The following TMEFF2 variants were observed in gnomAD, a reference collection of about 807,000 sequenced individuals.
The protein encoded by TMEFF2 is transmembrane protein with EGF like and two follistatin like domains 2.
A neutral mutation model predicts 53.8 loss-of-function variants in TMEFF2; 28 were observed. That is an observed-to-expected ratio of 0.52 (90% CI 0.39 to 0.71). The LOEUF is 0.71. Ranked by LOEUF, TMEFF2 falls within the 30% of genes least tolerant of loss-of-function variation. The probability of loss-of-function intolerance (pLI) is 0.00; values close to 1 mark genes in which losing one functional copy is unlikely to be tolerated. For synonymous variants in TMEFF2, 162 were observed against 166.3 expected (o/e 0.97, Z 0.20); for missense variants, 353 against 455.2 (o/e 0.78, Z 2.04).
intron 4 of TMEFF2, among the ~76,000 whole-genome samples, chr2:192,123,545 A>G (rs1044107293): frequency 1.3e-5 from 2 of 152,102 alleles, no homozygotes; most frequent in Non-Finnish European, 2.9e-5. Context: ...TATTAGGAGG[A>G]TATATAGGAG....
intron 7 of TMEFF2, among the ~76,000 whole-genome samples, chr2:191,964,360 CTTTCTTTCTTTCTCTT>C (rs763538284): frequency 1.2e-4 from 12 of 102,942 alleles, no homozygotes; most frequent in African/African-American, 4.5e-4. Flanking sequence ...TTCTTTCTTT[CTTTCTTTCTTTCTCTT>C]TCTTTCTTTC....
At chr2:192,035,729 T>C (rs1341427776) in intron 5 of TMEFF2, among the ~76,000 whole-genome samples, 1 of 152,230 alleles carries the variant, frequency 6.6e-6, no homozygotes, top group African/African-American at 2.4e-5. Flanking sequence ...CAGCTCTTTC[T>C]GTCTGCATCA....
intron 7 of TMEFF2, among the ~76,000 whole-genome samples, chr2:191,991,706 T>G (rs913305511): frequency 2.0e-5 from 3 of 152,080 alleles, no homozygotes; most frequent in African/African-American, 7.2e-5. Context: ...GGTGAACGAT[T>G]TGTATCAGAA....
intron 5 of TMEFF2, among the ~76,000 whole-genome samples, chr2:192,053,498 GAT>G (rs1687823490): frequency 6.6e-6 from 1 of 152,154 alleles, no homozygotes; most frequent in Admixed American, 6.5e-5. Flanking sequence ...CAGTATTGTG[GAT>G]ATAGTAAGAA....
At chr2:192,025,527 T>G (rs1469270420) in intron 5 of TMEFF2, among the ~76,000 whole-genome samples, 2 of 152,154 alleles carry the variant, frequency 1.3e-5, no homozygotes, top group African/African-American at 4.8e-5. Context: ...GTGTAGAAAT[T>G]GTTTTCTGTG....
Position 192,194,496 on chromosome 2 carries a change from C to T in TMEFF2, c.29G>A (p.Cys10Tyr), listed in dbSNP as rs1691556549. MVLWESPRQ[C>Y]SSWTLCEGFC... is the part of the protein sequence containing the mutation. Reference sequence around the variant, plus strand: ...GCCCTCGCAAAGTGTCCAGCTGCTGCACTGCCGCGGGGACTCCCACAGCAC... The same window carrying T: ...GCCCTCGCAAAGTGTCCAGCTGCTGTACTGCCGCGGGGACTCCCACAGCAC... The change falls in exon 1 of 10, where the codon TGC becomes TAC. Residue 10 changes from cysteine to tyrosine, a missense_variant. By Grantham distance (194) the Cys-to-Tyr change is radical (BLOSUM62 -2). Around this residue, in one of 3 missense-constraint regions of TMEFF2, gnomAD observed 54 missense variants for 41.8 expected, o/e 1.29. Coordinates refer to ENST00000272771, the MANE Select transcript of TMEFF2 (RefSeq NM_016192.4). This position sits in a 1 kb window ranked among gnomAD's most constrained non-coding sequence, Gnocchi z 4.2. The T allele has an allele frequency of 6.2e-7, 1 of 1,613,750 alleles. No homozygotes were observed. Among genetic ancestry groups the T allele is most frequent in the Non-Finnish European group, 8.5e-7 (1 of 1,180,014 alleles).
At chr2:191,980,148 A>G (rs990355596) in intron 7 of TMEFF2, among the ~76,000 whole-genome samples, 7 of 152,216 alleles carry the variant, frequency 4.6e-5, no homozygotes, top group African/African-American at 1.7e-4. Context: ...TGGAGTTTCT[A>G]TTATGAGAAA....
intron 5 of TMEFF2, among the ~76,000 whole-genome samples, chr2:192,013,486 TA>T: frequency 6.6e-6 from 1 of 151,972 alleles, no homozygotes; most frequent in East Asian, 1.9e-4. Flanking sequence ...AGTCTCGCTC[TA>T]TCCCCCAGGC....
At chr2:192,120,679 CCTTGAGCAAAATGTAGAGA>C (rs1689528828) in intron 4 of TMEFF2, among the ~76,000 whole-genome samples, 1 of 152,084 alleles carries the variant, frequency 6.6e-6, no homozygotes, top group South Asian at 2.1e-4. Context: ...TTTCTATTTG[CCTTGAGCAAAATGTAGAGA>C]TCTGTTATAG....
chr2:192,166,420 G>A (rs1011614171), intron 4 of TMEFF2, among the ~76,000 whole-genome samples: 10 of 152,214 alleles, frequency 6.6e-5, no homozygotes, highest in South Asian at 6.2e-4. Flanking sequence ...ATGGAAAATG[G>A]AATATAGACT....
At chr2:191,961,496 A>C (rs1692272034) in intron 7 of TMEFF2, among the ~76,000 whole-genome samples, 1 of 90,992 alleles carries the variant, frequency 1.1e-5, no homozygotes, top group Non-Finnish European at 2.3e-5. Flanking sequence ...ACCTTTTGTA[A>C]TTACTTAATT....
At chr2:192,057,555 C>G in intron 5 of TMEFF2, 124 bp downstream of exon 5, 1 of 868,704 alleles carries the variant, frequency 1.2e-6, no homozygotes, top group Non-Finnish European at 1.8e-6. Context: ...TTTTTTTTCA[C>G]TTGGGAACTG....
intron 4 of TMEFF2, among the ~76,000 whole-genome samples, chr2:192,110,756 T>C (rs1689254612): frequency 6.6e-6 from 1 of 152,190 alleles, no homozygotes; most frequent in Non-Finnish European, 1.5e-5. Context: ...ATAGTTGATA[T>C]GGTTTGGCTG....
intron 4 of TMEFF2, among the ~76,000 whole-genome samples, chr2:192,085,012 A>G (rs1305360605): frequency 6.6e-6 from 1 of 152,188 alleles, no homozygotes; most frequent in Non-Finnish European, 1.5e-5. Context: ...AAATTGAACC[A>G]GCCTCCAATA....
intron 4 of TMEFF2, among the ~76,000 whole-genome samples, chr2:192,145,298 C>T (rs1057278804): frequency 5.9e-5 from 9 of 151,882 alleles, no homozygotes; most frequent in African/African-American, 1.4e-4. Flanking sequence ...AATTCAGTAA[C>T]GAATGTCACG....
chr2:192,180,031 T>G (rs1371603753), intron 3 of TMEFF2, among the ~76,000 whole-genome samples: 1 of 151,576 alleles, frequency 6.6e-6, no homozygotes, highest in Non-Finnish European at 1.5e-5. Context: ...GAGATGCTTG[T>G]AACAATCAGT....
In TMEFF2 at chr2:192,145,527, G is replaced by A. The variant is rs191351894; in HGVS notation, c.439+34141C>T. ...GAGATTTTAATTAATACAATGTAAC[G>A]TTTTGAAAGTATGTCCACTACATGA... On this transcript the variant is annotated intron_variant, in intron 4 of 9. Transcript: ENST00000272771. 1.4e-3 allele frequency among the ~76,000 whole-genome samples: 214 copies of A among 150,724 alleles called. 1 individual carries two copies. The highest frequency in any genetic ancestry group is 1.1e-3 in the South Asian group (5 of 4,746).
chr2:192,125,400 G>T (rs1689653179), intron 4 of TMEFF2, among the ~76,000 whole-genome samples: 2 of 151,894 alleles, frequency 1.3e-5, no homozygotes, highest in South Asian at 4.2e-4. Context: ...AAAACATATA[G>T]AAATATAAAT....
chr2:192,149,474 T>C (rs1370091601), intron 4 of TMEFF2, among the ~76,000 whole-genome samples: 1 of 151,932 alleles, frequency 6.6e-6, no homozygotes, highest in Non-Finnish European at 1.5e-5. Flanking sequence ...ATCTCTTCTA[T>C]AGGAGAGCTG....
Sources: allele counts gnomAD v4.1 joint callset (sites outside exome capture counted in the v4.1 genomes callset), GRCh38; gene constraint gnomAD v4.1.1; regional missense constraint gnomAD v4.1.1; non-coding constraint Gnocchi (gnomAD v3.1); transcripts MANE v1.5; gene names NCBI Gene and HGNC (gene_info 2026-07-23, HGNC 2026-07-21).